Variants in GCNT2 observed in about 807,000 individuals in gnomAD.
GCNT2 encodes the protein N-acetyllactosaminide beta-1,6-N-acetylglucosaminyl-transferase.
In GCNT2, 34 loss-of-function variants were observed where a neutral mutation model predicts 34.2. That is an observed-to-expected ratio of 1.00 (90% CI 0.76 to 1.32). The LOEUF is 1.32. Ranked by LOEUF, GCNT2 falls within the 40% of genes most tolerant of loss-of-function variation. The pLI, the probability that GCNT2 is intolerant of heterozygous loss-of-function variation, is 0.00. For synonymous variants in GCNT2, 212 were observed against 188.0 expected (o/e 1.13, Z -1.04); for missense variants, 584 against 489.4 (o/e 1.19, Z -1.82).
At chr6:10,558,695 T>TG (rs1408970700) in intron 3 of GCNT2, among the ~76,000 whole-genome samples, 1 of 152,224 alleles carries the variant, frequency 6.6e-6, no homozygotes, top group African/African-American at 2.4e-5. Flanking sequence ...GGCTGGTAGG[T>TG]GCTCTCAGGC....
chr6:10,607,045 C>G (rs1315618651), intron 3 of GCNT2, among the ~76,000 whole-genome samples: 1 of 152,052 alleles, frequency 6.6e-6, no homozygotes, highest in Non-Finnish European at 1.5e-5. Context: ...CTTCCGGGTT[C>G]AAGCGATTCT....
At chr6:10,569,235 CCACACACACACACACACACACACACA>C (rs373362957) in intron 3 of GCNT2, among the ~76,000 whole-genome samples, 1 of 47,464 alleles carries the variant, frequency 2.1e-5, no homozygotes, top group Non-Finnish European at 5.0e-5. Flanking sequence ...ACTCCCCCCG[CCACACACACACACACACACACACACA>C]CACACACACA....
At chr6:10,624,928 A>G (rs1766193460) in intron 4 of GCNT2, among the ~76,000 whole-genome samples, 1 of 152,098 alleles carries the variant, frequency 6.6e-6, no homozygotes, top group African/African-American at 2.4e-5. Flanking sequence ...GAAGACATCG[A>G]GTTGTCTATG....
At chr6:10,586,123 G>C (rs371732832) in intron 3 of GCNT2, 10 of 1,614,030 alleles carry the variant, frequency 6.2e-6, no homozygotes, top group Non-Finnish European at 8.5e-6. Context: ...AGGTATTTTA[G>C]GAAAACTGCC....
At position 10,529,575 on chromosome 6, in the gene GCNT2, C is replaced by A; in HGVS notation, c.664C>A (p.Pro222Thr). 1.2e-6 allele frequency: 2 copies of A among 1,614,182 alleles called. No homozygotes were observed. Among genetic ancestry groups the A allele is most frequent in the Non-Finnish European group, 1.7e-6 (2 of 1,180,016 alleles). ...AAATATCACCCCCGGAGTGCTGCCTCCTGACCACGCTGTTGGACGGACTAA... is the reference window on the plus strand; with the variant it reads ...AAATATCACCCCCGGAGTGCTGCCTACTGACCACGCTGTTGGACGGACTAA... Reference protein sequence around the residue: ...GKNITPGVLPPDHAVGRTKYV... With the variant: ...GKNITPGVLPTDHAVGRTKYV... Residue 222 changes from proline to threonine, a missense_variant, in exon 3 of 5, where the codon CCT (proline) becomes ACT (threonine). Coordinates refer to ENST00000495262, the MANE Select transcript of GCNT2 (RefSeq NM_145649.5).
At chr6:10,553,441 G>A (rs1467124156) in intron 3 of GCNT2, among the ~76,000 whole-genome samples, 1 of 152,188 alleles carries the variant, frequency 6.6e-6, no homozygotes. Context: ...CTTCACATGG[G>A]AAGCCAAGAG....
intron 3 of GCNT2, among the ~76,000 whole-genome samples, chr6:10,569,271 A>ACACACACACACACACACACACACC (rs1561806901): frequency 1.3e-4 from 19 of 142,356 alleles, no homozygotes; most frequent in African/African-American, 4.0e-4. Flanking sequence ...ACACACACAC[A>ACACACACACACACACACACACACC]CACCCCCTAG....
At chr6:10,611,334 C>CTTTTT (rs200808872) in intron 3 of GCNT2, among the ~76,000 whole-genome samples, 21 of 136,426 alleles carry the variant, frequency 1.5e-4, no homozygotes, top group Non-Finnish European at 2.8e-4. Context: ...TTCTTTCTTT[C>CTTTTT]TTTTTTTTTT....
chr6:10,565,685 A>G (rs922728746), intron 3 of GCNT2, among the ~76,000 whole-genome samples: 9 of 152,054 alleles, frequency 5.9e-5, no homozygotes, highest in Non-Finnish European at 1.2e-4. Flanking sequence ...TTCTCTACCT[A>G]CAACAGTCTT....
intron 3 of GCNT2, among the ~76,000 whole-genome samples, chr6:10,606,863 T>C (rs1322422738): frequency 6.6e-6 from 1 of 152,074 alleles, no homozygotes; most frequent in Non-Finnish European, 1.5e-5. Context: ...TACTGGTTTT[T>C]ATAACCAGCT....
intron 3 of GCNT2, among the ~76,000 whole-genome samples, chr6:10,606,603 C>CTTCCATTAAAGAAATTTAATAGAAAT (rs1765319703): frequency 1.6e-5 from 1 of 60,626 alleles, no homozygotes; most frequent in African/African-American, 1.1e-4. Flanking sequence ...GTACCTTTAA[C>CTTCCATTAAAGAAATTTAATAGAAAT]TTCCATTAAA....
At chr6:10,575,479 A>G (rs1213715316) in intron 3 of GCNT2, among the ~76,000 whole-genome samples, 10 of 150,900 alleles carry the variant, frequency 6.6e-5, no homozygotes, top group East Asian at 1.9e-4. Flanking sequence ...CTCCTGCCTC[A>G]GCCTCCCAAG....
chr6:10,529,860 T>G, intron 3 of GCNT2, 24 bp downstream of exon 3: 1 of 1,565,764 alleles, frequency 6.4e-7, no homozygotes, highest in South Asian at 1.1e-5. Flanking sequence ...TTAACTTTTA[T>G]TTTTACGAAT....
rs369123126 is a variant in GCNT2, at chr6:10,597,613, TTTG to T, written c.926-23723_926-23721del. 8.9e-4 allele frequency among the ~76,000 whole-genome samples: 135 copies of T among 151,888 alleles called. 1 individual carries two copies. Among genetic ancestry groups the T allele is most frequent in the Admixed American group, 3.3e-3 (51 of 15,252 alleles). ...GGGTGTCTCCAAGGCTATGAGGGTT[TTTG>T]TTGTTGTTGTTGTTTTGCTTTTTTT... On this transcript the variant is annotated intron_variant, in intron 3 of 4. Transcript: ENST00000495262.
chr6:10,551,589 C>T (rs967065194), intron 3 of GCNT2, among the ~76,000 whole-genome samples: 22 of 151,466 alleles, frequency 1.5e-4, no homozygotes, highest in Admixed American at 4.6e-4. Context: ...GTACTACCGG[C>T]GCCCACCACC....
At position 10,627,297 on chromosome 6, in the gene GCNT2, G is replaced by C. The variant is rs539621227; in HGVS notation, c.*690G>C. ...TTCTCTCTTATATGCCAGAATGTAG[G>C]CTGGTCCCTATGTCATGTCTTCCAT... On this transcript the variant is annotated 3_prime_UTR_variant, in exon 5 of 5. Coordinates refer to ENST00000495262, the MANE Select transcript of GCNT2 (RefSeq NM_145649.5). 1.3e-4 allele frequency: 20 copies of C among 152,518 alleles called. No individual in the cohort carries two copies. Among genetic ancestry groups the C allele is most frequent in the African/African-American group, 4.8e-4 (20 of 41,562 alleles). 9.4% of individuals were successfully genotyped at this position (152,518 alleles called of 1,614,324 possible). A position where few individuals can be genotyped will look rare whatever the true frequency, so the allele number is the denominator to read the frequency against.
chr6:10,537,517 A>G (rs1002155121), intron 3 of GCNT2, among the ~76,000 whole-genome samples: 2 of 152,102 alleles, frequency 1.3e-5, no homozygotes, highest in African/African-American at 2.4e-5. Flanking sequence ...CCTGGCCAAC[A>G]TGGTGAAACC....
rs758159782 is a variant in GCNT2, at chr6:10,529,593, C to T, written c.682C>T (p.Arg228Trp). 64 of 1,613,878 alleles carry T rather than the reference C, an allele frequency of 4.0e-5. No homozygotes were observed. The highest frequency in any genetic ancestry group is 4.9e-5 in the Non-Finnish European group (58 of 1,179,922). ...GVLPPDHAVGRTKYVHQELLN... is the reference protein window; with the variant it reads ...GVLPPDHAVGWTKYVHQELLN... ...GCTGCCTCCTGACCACGCTGTTGGA[C>T]GGACTAAATACGTCCACCAAGAACT... The change falls in exon 3 of 5, where the codon CGG becomes TGG. Residue 228 changes from arginine to tryptophan, a missense_variant. Transcript: ENST00000495262.
intron 3 of GCNT2, among the ~76,000 whole-genome samples, chr6:10,607,140 G>A (rs946712665): frequency 6.6e-6 from 1 of 151,998 alleles, no homozygotes; most frequent in African/African-American, 2.4e-5. Context: ...TAGAGACGGG[G>A]TTTCACCATG....
Sources: allele counts gnomAD v4.1 joint callset (sites outside exome capture counted in the v4.1 genomes callset), GRCh38; gene constraint gnomAD v4.1.1; transcripts MANE v1.5; gene names NCBI Gene and HGNC (gene_info 2026-07-23, HGNC 2026-07-21).